Variants in SCHIP1 observed in about 807,000 individuals in gnomAD.
SCHIP1 encodes the protein schwannomin interacting protein 1, also known as schwannomin-interacting protein 1.
SCHIP1 carries 8 observed loss-of-function variants against 29.7 expected under a neutral mutation model. The observed-to-expected ratio is 0.27, with a 90% CI of 0.16 to 0.49. The LOEUF (loss-of-function observed/expected upper bound fraction) is 0.49, where lower values mean the gene tolerates loss of function less well. Among genes scored for constraint, SCHIP1 ranks in the 20% least tolerant of loss-of-function variants. SCHIP1 has a pLI of 0.99. For synonymous variants in SCHIP1, 76 were observed against 94.9 expected, an observed-to-expected ratio of 0.80 and a Z score of 1.16; for missense variants, 193 against 294.6, an observed-to-expected ratio of 0.66 and a Z score of 2.52.
the SCHIP1 span, among the ~76,000 whole-genome samples, chr3:159,742,202 G>T: frequency 6.6e-6 from 1 of 152,126 alleles, no homozygotes; most frequent in Non-Finnish European, 1.5e-5. Flanking sequence ...CTCCAGCTTG[G>T]CAACAGAGTG....
chr3:159,315,792 C>T, the SCHIP1 span, among the ~76,000 whole-genome samples: 1 of 151,652 alleles, frequency 6.6e-6, no homozygotes, highest in Admixed American at 6.6e-5. Flanking sequence ...AGTAGAACAG[C>T]AAGATTAAAA....
At chr3:159,858,510 A>G (rs1713663370) in intron 1 of SCHIP1, among the ~76,000 whole-genome samples, 1 of 152,218 alleles carries the variant, frequency 6.6e-6, no homozygotes, top group African/African-American at 2.4e-5. Flanking sequence ...CGGCATTTCT[A>G]TCTGCCTGCT....
chr3:159,359,137 A>G, the SCHIP1 span, among the ~76,000 whole-genome samples: 1 of 151,964 alleles, frequency 6.6e-6, no homozygotes, highest in Non-Finnish European at 1.5e-5. Flanking sequence ...CATGTTGGCC[A>G]GGATGATCTC....
the SCHIP1 span, among the ~76,000 whole-genome samples, chr3:159,719,385 G>A: frequency 7.9e-5 from 12 of 152,226 alleles, no homozygotes; most frequent in African/African-American, 2.6e-4. Flanking sequence ...TGACAAATGG[G>A]ATCTAATTAA....
At chr3:159,666,295 C>T in the SCHIP1 span, among the ~76,000 whole-genome samples, 10 of 152,186 alleles carry the variant, frequency 6.6e-5, no homozygotes, top group African/African-American at 9.7e-5. Context: ...CCAACACTGA[C>T]GCTTTGCTCA....
chr3:159,593,441 G>A, the SCHIP1 span, among the ~76,000 whole-genome samples: 1 of 152,118 alleles, frequency 6.6e-6, no homozygotes, highest in Non-Finnish European at 1.5e-5. Flanking sequence ...CACAGTCCCT[G>A]AGAGCAAGAG....
At chr3:159,532,930 G>A in the SCHIP1 span, among the ~76,000 whole-genome samples, 1 of 152,116 alleles carries the variant, frequency 6.6e-6, no homozygotes, top group South Asian at 2.1e-4. Flanking sequence ...AATTATTTAT[G>A]AGTATGACCA....
At chr3:159,585,369 T>G in the SCHIP1 span, among the ~76,000 whole-genome samples, 1 of 152,152 alleles carries the variant, frequency 6.6e-6, no homozygotes, top group Non-Finnish European at 1.5e-5. Context: ...GACAACTTGG[T>G]AATTTTCTTT....
At chr3:159,789,126 T>C in the SCHIP1 span, among the ~76,000 whole-genome samples, 6 of 144,950 alleles carry the variant, frequency 4.1e-5, no homozygotes, top group African/African-American at 1.5e-4. Flanking sequence ...TGTGTATCTA[T>C]ATATACAGAG....
intron 1 of SCHIP1, among the ~76,000 whole-genome samples, chr3:159,844,345 A>G (rs1205524149): frequency 2.0e-5 from 3 of 152,252 alleles, no homozygotes; most frequent in Non-Finnish European, 4.4e-5. Flanking sequence ...TCTTTGAACA[A>G]CGTAAACCAA....
At chr3:159,357,342 T>C in the SCHIP1 span, among the ~76,000 whole-genome samples, 1 of 152,202 alleles carries the variant, frequency 6.6e-6, no homozygotes, top group Non-Finnish European at 1.5e-5. Flanking sequence ...TTCTGATGTA[T>C]TTCAAGATAA....
At chr3:159,428,581 C>G in the SCHIP1 span, among the ~76,000 whole-genome samples, 1 of 151,576 alleles carries the variant, frequency 6.6e-6, no homozygotes, top group African/African-American at 2.4e-5. Flanking sequence ...AATAGGAACA[C>G]TTTTACACTG....
chr3:159,697,553 G>A, the SCHIP1 span, among the ~76,000 whole-genome samples: 1 of 152,084 alleles, frequency 6.6e-6, no homozygotes, highest in Non-Finnish European at 1.5e-5. Flanking sequence ...AACAGAGTAG[G>A]TGCTTTGGTA....
the SCHIP1 span, among the ~76,000 whole-genome samples, chr3:159,473,115 A>G: frequency 6.6e-6 from 1 of 152,232 alleles, no homozygotes; most frequent in African/African-American, 2.4e-5. Flanking sequence ...TGAAACAGTT[A>G]TAACAGTTGT....
chr3:159,666,715 A>C, the SCHIP1 span, among the ~76,000 whole-genome samples: 1 of 152,262 alleles, frequency 6.6e-6, no homozygotes, highest in Non-Finnish European at 1.5e-5. Context: ...AGATAAAAAC[A>C]TATGAAAACT....
chr3:159,449,723 G>A, the SCHIP1 span, among the ~76,000 whole-genome samples: 1 of 152,006 alleles, frequency 6.6e-6, no homozygotes, highest in Non-Finnish European at 1.5e-5. Flanking sequence ...AAAATGATTT[G>A]CCCGAATTCC....
chr3:159,327,654 A>G, the SCHIP1 span, among the ~76,000 whole-genome samples: 2 of 152,178 alleles, frequency 1.3e-5, no homozygotes, highest in Admixed American at 1.3e-4. Flanking sequence ...ACTGTTCATA[A>G]TGAATCAGGC....
At chr3:159,518,224 T>C in the SCHIP1 span, among the ~76,000 whole-genome samples, 4 of 152,204 alleles carry the variant, frequency 2.6e-5, no homozygotes, top group East Asian at 5.8e-4. Context: ...AATACATCCA[T>C]ATGTAATAAA....
the SCHIP1 span, among the ~76,000 whole-genome samples, chr3:159,349,616 A>G: frequency 1.3e-5 from 2 of 152,106 alleles, no homozygotes; most frequent in Non-Finnish European, 2.9e-5. Context: ...TTTTATTATC[A>G]TTGTGGTTAC....
Sources: allele counts gnomAD v4.1 joint callset (sites outside exome capture counted in the v4.1 genomes callset), GRCh38; gene constraint gnomAD v4.1.1; transcripts MANE v1.5; gene names NCBI Gene and HGNC (gene_info 2026-07-23, HGNC 2026-07-21).